GTF3C1: variants seen among roughly 807,000 people sequenced by gnomAD.
GTF3C1 encodes general transcription factor IIIC subunit 1, also known as general transcription factor 3C polypeptide 1.
Under a neutral mutation model 226.7 loss-of-function variants are expected in GTF3C1, and 57 were observed. The observed-to-expected ratio is 0.25, with a 90% confidence interval of 0.20 to 0.31. The LOEUF (loss-of-function observed/expected upper bound fraction) is 0.31, where lower values mean the gene tolerates loss of function less well. GTF3C1 is among the 10% of genes least tolerant of loss of function. The pLI is 1.00. For synonymous variants in GTF3C1, 1,090 were observed against 1,084.8 expected (o/e 1.00, Z -0.09); for missense variants, 2,217 against 2,776.1 (o/e 0.80, Z 4.53).
intron 29 of GTF3C1, among the ~76,000 whole-genome samples, chr16:27,473,444 T>C (rs2087905977): frequency 6.6e-6 from 1 of 152,228 alleles, no homozygotes; most frequent in Admixed American, 6.5e-5. Context: ...AGAGAGCTCC[T>C]ATAGGACTGT....
intron 6 of GTF3C1, 80 bp from the exon 7 acceptor site, chr16:27,511,981 C>T (rs1232413561): frequency 2.1e-6 from 3 of 1,452,348 alleles, no homozygotes; most frequent in South Asian, 1.2e-5. Flanking sequence ...TGAAATATCA[C>T]AGCACATGTC....
chr16:27,509,471 C>G lies in GTF3C1; in HGVS notation c.1127-816G>C, dbSNP rs560556941. Reference sequence around the variant, plus strand: ...TCTTTGACTTTTCAGAAGTATCTTCCTCTTGGCCGGGTGCAGTGCCTCACT... The same window carrying G: ...TCTTTGACTTTTCAGAAGTATCTTCGTCTTGGCCGGGTGCAGTGCCTCACT... On this transcript the variant is annotated intron_variant, in intron 7 of 36. Coordinates refer to ENST00000356183, the MANE Select transcript of GTF3C1 (RefSeq NM_001520.4). Among the ~76,000 whole-genome samples the G allele has an allele frequency of 1.1e-3, 167 of 152,246 alleles. 1 individual carries two copies. In the South Asian group the frequency reaches 0.032, roughly 29 times the overall value.
In GTF3C1 at chr16:27,528,757, C is replaced by T. The variant is rs369326956; in HGVS notation, c.850-36G>A. 2.0e-5 allele frequency: 32 copies of T among 1,595,282 alleles called. No homozygotes were observed. In the African/African-American group the frequency reaches 3.6e-4, roughly 18 times the overall value. On this transcript the variant is annotated intron_variant, in intron 5 of 36. Coordinates refer to ENST00000356183, the MANE Select transcript of GTF3C1 (RefSeq NM_001520.4). ...ACAATTTAAAGGCTACTATTAGACACAGCAAGATGTCTGAAATGACTAGAA... is the reference window on the plus strand; with the variant it reads ...ACAATTTAAAGGCTACTATTAGACATAGCAAGATGTCTGAAATGACTAGAA...
chr16:27,534,986 G>A (rs1483381215), intron 4 of GTF3C1, among the ~76,000 whole-genome samples: 1 of 151,656 alleles, frequency 6.6e-6, no homozygotes, highest in Non-Finnish European at 1.5e-5. Context: ...TTAAGAAAAA[G>A]GTATGTCATT....
chr16:27,505,609 G>A (rs570127655), intron 10 of GTF3C1, among the ~76,000 whole-genome samples: 47 of 152,318 alleles, frequency 3.1e-4, no homozygotes, highest in Non-Finnish European at 6.5e-4. Context: ...ATCTAAATTA[G>A]GCATACAGGT....
At chr16:27,530,467 CAGAAAG>C (rs1353230972) in intron 5 of GTF3C1, among the ~76,000 whole-genome samples, 2 of 152,148 alleles carry the variant, frequency 1.3e-5, no homozygotes, top group African/African-American at 4.8e-5. Flanking sequence ...ATCTGGCCAG[CAGAAAG>C]AGAAAGAGGC....
intron 6 of GTF3C1, among the ~76,000 whole-genome samples, chr16:27,512,429 A>C (rs2088587975): frequency 6.6e-6 from 1 of 152,218 alleles, no homozygotes; most frequent in Admixed American, 6.5e-5. Flanking sequence ...AATGATTCCA[A>C]GTGTAAATAT....
chr16:27,478,840 G>A (rs2087994379), intron 27 of GTF3C1, among the ~76,000 whole-genome samples: 1 of 148,328 alleles, frequency 6.7e-6, no homozygotes, highest in Admixed American at 6.8e-5. Flanking sequence ...AACTGTGGGT[G>A]TGTTACAATC....
chr16:27,515,839 C>T (rs1286958459), intron 6 of GTF3C1, among the ~76,000 whole-genome samples: 1 of 152,202 alleles, frequency 6.6e-6, no homozygotes, highest in Non-Finnish European at 1.5e-5. Flanking sequence ...CATGACCACC[C>T]AGCACTTGCT....
rs976215652 is a variant in GTF3C1 at position 27,463,487 on chromosome 16, C to T, written c.5924+54G>A. On this transcript the variant is annotated intron_variant, in intron 35 of 36. Transcript: ENST00000356183. This position sits in a 1 kb window ranked among gnomAD's most constrained non-coding sequence, Gnocchi z 4.9. ...AGACCCTCACACAAATCCTTACACT[C>T]GGTCCCTGTCAAGAGCCCCGCCCCA... is the stretch of plus-strand genomic sequence containing the variant. 11 of 972,312 alleles carry T rather than the reference C, an allele frequency of 1.1e-5. No homozygotes were observed. The Admixed American group carries it at 1.3e-4, about 11-fold the overall frequency. The allele number at this position is 972,312 out of a possible 1,614,324, so 60.2% of individuals were successfully genotyped here.
rs35233306 is a variant in GTF3C1, at chr16:27,464,527, G to C, written c.5665C>G (p.Gln1889Glu). Residue 1889 changes from glutamine (Q) to glutamate (E), a missense_variant, in exon 34 of 37, where the codon CAG (glutamine) becomes GAG (glutamate). Around this residue, in one of 12 missense-constraint regions of GTF3C1, gnomAD observed 455 missense variants for 441.9 expected, o/e 1.03. Coordinates refer to ENST00000356183, the MANE Select transcript of GTF3C1 (RefSeq NM_001520.4). ...QMTPAKRPALQDSNLAPSLGP... is the reference protein window; with the variant it reads ...QMTPAKRPALEDSNLAPSLGP... ...AGGCTGGGGGCCAAATTTGAGTCCT[G>C]GAGCGCTGGCCTCTTGGCAGGGGTC... 2.0e-3 allele frequency: 2,992 copies of C among 1,518,866 alleles called. 45 individuals are homozygous for C. In the African/African-American group the frequency reaches 0.035, roughly 18 times the overall value. 94.1% of individuals were successfully genotyped at this position (1,518,866 alleles called of 1,614,324 possible). A position where few individuals can be genotyped will look rare whatever the true frequency, so the allele number is the denominator to read the frequency against.
rs555436322 is a variant in GTF3C1 at position 27,503,469 on chromosome 16, A to G, written c.1771-474T>C. Among the ~76,000 whole-genome samples, 10 of 152,332 alleles carry G rather than the reference A, an allele frequency of 6.6e-5. No homozygotes were observed. In the South Asian group the frequency reaches 2.1e-3, roughly 32 times the overall value. On this transcript the variant is annotated intron_variant, in intron 10 of 36. Coordinates refer to ENST00000356183, the MANE Select transcript of GTF3C1 (RefSeq NM_001520.4). ...TGTGTGGCTAACTCTCCAGTGTCTC[A>G]TGGGGAGTGAACGTGCCAGGATGGG...
At chr16:27,519,698 A>G (rs528957737) in intron 6 of GTF3C1, among the ~76,000 whole-genome samples, 2 of 152,334 alleles carry the variant, frequency 1.3e-5, no homozygotes, top group African/African-American at 4.8e-5. Flanking sequence ...AGAGGGCAAG[A>G]GAAAAGAGAA....
chr16:27,522,766 C>A (rs2088769167), intron 6 of GTF3C1, among the ~76,000 whole-genome samples: 1 of 152,222 alleles, frequency 6.6e-6, no homozygotes, highest in Non-Finnish European at 1.5e-5. Context: ...TAAATCTTAA[C>A]TTTCAGCAAC....
intron 28 of GTF3C1, among the ~76,000 whole-genome samples, chr16:27,477,425 G>C (rs1036806743): frequency 2.5e-4 from 38 of 152,050 alleles, no homozygotes; most frequent in African/African-American, 8.9e-4. Context: ...TCCTGCCTCA[G>C]CCTCCCCAGC....
chr16:27,519,284 A>C (rs918277297), intron 6 of GTF3C1, among the ~76,000 whole-genome samples: 1 of 152,200 alleles, frequency 6.6e-6, no homozygotes, highest in Non-Finnish European at 1.5e-5. Flanking sequence ...GATACGGAGA[A>C]AGGTAGCTGT....
chr16:27,518,063 T>C (rs2088687515), intron 6 of GTF3C1, among the ~76,000 whole-genome samples: 1 of 152,134 alleles, frequency 6.6e-6, no homozygotes, highest in South Asian at 2.1e-4. Flanking sequence ...GAAAAGCAAG[T>C]TGGGAACAAA....
Position 27,501,349 on chromosome 16 carries a change from G to A in GTF3C1, c.1908-5C>T. 2 of 1,613,576 alleles carry A rather than the reference G, an allele frequency of 1.2e-6. No individual in the cohort carries two copies. The highest frequency in any genetic ancestry group is 1.7e-6 in the Non-Finnish European group (2 of 1,179,688). ...TCCATGATCATCTTCTGAATCCTGGGCATCACAAAATAAGCAGATAACACT... is the reference window on the plus strand; with the variant it reads ...TCCATGATCATCTTCTGAATCCTGGACATCACAAAATAAGCAGATAACACT... On this transcript the variant is annotated splice_polypyrimidine_tract_variant and splice_region_variant and intron_variant, in intron 11 of 36. Coordinates refer to ENST00000356183, the MANE Select transcript of GTF3C1 (RefSeq NM_001520.4).
rs184708220 is a variant in GTF3C1, at chr16:27,488,272, G to A, written c.3655C>T (p.Arg1219Trp). ...TTCTTCCCAGGGTCCTTCTTCAGCC[G>A]CTTCCGCTTCTGGCTTTTCCCACCC... is the stretch of plus-strand genomic sequence containing the variant. ...VRGGKSQKRK[R>W]LKKDPGKKIK... The change falls in exon 23 of 37, where the codon CGG becomes TGG. Residue 1219 changes from arginine (R) to tryptophan (W), a missense_variant. By Grantham distance (101) the Arg-to-Trp change is moderately radical. Transcript: ENST00000356183. 67 of 1,614,140 alleles carry A rather than the reference G, an allele frequency of 4.2e-5. 1 individual carries two copies. In the East Asian group the frequency reaches 1.0e-3, roughly 24 times the overall value.
Sources: gnomAD v4.1 joint callset for allele counts (sites outside exome capture counted in the v4.1 genomes callset) on GRCh38, gnomAD v4.1.1 for gene constraint, gnomAD v4.1.1 regional missense constraint, Gnocchi (gnomAD v3.1) non-coding constraint, MANE v1.5 for transcripts, NCBI Gene and HGNC (gene_info 2026-07-23, HGNC 2026-07-21) for gene names.